The following CCDC171 variants were observed in gnomAD, a reference collection of about 807,000 sequenced individuals.
The protein encoded by CCDC171 is coiled-coil domain-containing protein 171.
CCDC171 carries 177 observed loss-of-function variants against 168.2 expected under a neutral mutation model. The ratio of observed to expected loss-of-function variants is 1.05; its 90% CI spans 0.93 to 1.19. CCDC171 has a LOEUF of 1.19. CCDC171 is among the 50% of genes most tolerant of loss of function. The pLI, the probability that CCDC171 is intolerant of heterozygous loss-of-function variation, is 0.00. For synonymous variants in CCDC171, 687 were observed against 540.8 expected, an observed-to-expected ratio of 1.27 and a Z score of -3.75; for missense variants, 1,991 against 1,539.0, an observed-to-expected ratio of 1.29 and a Z score of -4.91.
intron 3 of CCDC171, among the ~76,000 whole-genome samples, chr9:16,020,054 C>G (rs1288000826): frequency 6.6e-6 from 1 of 152,212 alleles, no homozygotes. Flanking sequence ...GTAGTACTGA[C>G]CTCTCTACTG....
chr9:15,874,819 T>C, intron 24 of CCDC171, 156 bp downstream of exon 24: 1 of 689,282 alleles, frequency 1.5e-6, no homozygotes, highest in East Asian at 3.4e-5. Context: ...CAGTATACTT[T>C]ACAAAATATT....
At chr9:15,731,498 C>T (rs1032608202) in intron 16 of CCDC171, among the ~76,000 whole-genome samples, 3 of 152,074 alleles carry the variant, frequency 2.0e-5, no homozygotes, top group East Asian at 1.9e-4. Context: ...ATTAATGTTC[C>T]GAGCATAATG....
chr9:15,851,664 C>A (rs947163518), intron 23 of CCDC171, among the ~76,000 whole-genome samples: 2 of 151,820 alleles, frequency 1.3e-5, no homozygotes, highest in Admixed American at 6.6e-5. Flanking sequence ...TATGTGCACC[C>A]ATCACAACTA....
intron 11 of CCDC171, among the ~76,000 whole-genome samples, chr9:15,707,089 G>A (rs2052304052): frequency 6.6e-6 from 1 of 152,166 alleles, no homozygotes; most frequent in African/African-American, 2.4e-5. Flanking sequence ...CTCATGGGTG[G>A]TTGAGGAGCT....
chr9:16,007,432 T>C (rs1832738986), intron 3 of CCDC171, among the ~76,000 whole-genome samples: 1 of 152,230 alleles, frequency 6.6e-6, no homozygotes, highest in Non-Finnish European at 1.5e-5. Flanking sequence ...AGCTCTTTAG[T>C]TTAATTAGAT....
chr9:15,715,039 T>C (rs889673454), intron 11 of CCDC171, among the ~76,000 whole-genome samples: 2 of 152,200 alleles, frequency 1.3e-5, no homozygotes, highest in Non-Finnish European at 2.9e-5. Context: ...TCCAATCACT[T>C]GCACTAAATT....
chr9:15,835,087 T>C (rs949438102), intron 21 of CCDC171, among the ~76,000 whole-genome samples: 3 of 152,148 alleles, frequency 2.0e-5, no homozygotes, highest in East Asian at 3.8e-4. Flanking sequence ...GCAACTTTAA[T>C]TGGGGAGAGG....
intron 25 of CCDC171, among the ~76,000 whole-genome samples, chr9:15,957,204 A>T (rs1829886563): frequency 6.6e-6 from 1 of 152,118 alleles, no homozygotes; most frequent in South Asian, 2.1e-4. Flanking sequence ...GGCAGACACC[A>T]TGCACCTTGA....
intron 24 of CCDC171, among the ~76,000 whole-genome samples, chr9:15,903,885 G>C (rs1490071285): frequency 1.3e-5 from 2 of 152,190 alleles, no homozygotes; most frequent in Non-Finnish European, 2.9e-5. Context: ...GAATGCATAA[G>C]CCTCAGTAGC....
At position 15,574,872 on chromosome 9, in the gene CCDC171, G is replaced by A. The variant is rs143891094; in HGVS notation, c.177+3113G>A. Among the ~76,000 whole-genome samples the A allele has an allele frequency of 7.6e-4, 116 of 152,298 alleles. 1 individual carries two copies. The highest frequency in any genetic ancestry group is 2.6e-3 in the African/African-American group (108 of 41,568). On this transcript the variant is annotated intron_variant, in intron 3 of 25. Coordinates refer to ENST00000380701, the MANE Select transcript of CCDC171 (RefSeq NM_173550.4). ...TTCTTTGATAGGTATTCAAATAATA[G>A]ATTACTGTTGAAAGGATTTATTAGT...
At chr9:15,587,730 A>G in intron 4 of CCDC171, 1 of 439,840 alleles carries the variant, frequency 2.3e-6, no homozygotes, top group South Asian at 1.6e-5. Context: ...TTACATTTAT[A>G]GTTTCTAACT....
chr9:15,635,557 G>T (rs1210910648), intron 7 of CCDC171, among the ~76,000 whole-genome samples: 3 of 152,114 alleles, frequency 2.0e-5, no homozygotes, highest in Non-Finnish European at 4.4e-5. Context: ...CAGCTGATTA[G>T]ATGGTGCCCA....
Position 15,874,438 on chromosome 9 carries a change from T to C in CCDC171, c.3469-94T>C, listed in dbSNP as rs915933147. 36 of 1,049,346 alleles carry C rather than the reference T, an allele frequency of 3.4e-5. 1 individual carries two copies. The Admixed American group carries it at 6.6e-4, about 19-fold the overall frequency. 65.0% of individuals were successfully genotyped at this position (1,049,346 alleles called of 1,614,324 possible). ...CATGGATTTCAGGTCCAGCGATCAA[T>C]GCAAGTCCACTCAGTGGGCTCAAGG... On this transcript the variant is annotated intron_variant, in intron 23 of 25. Coordinates refer to ENST00000380701, the MANE Select transcript of CCDC171 (RefSeq NM_173550.4).
intron 25 of CCDC171, among the ~76,000 whole-genome samples, chr9:15,926,550 C>G (rs1168207705): frequency 6.6e-6 from 1 of 151,612 alleles, no homozygotes; most frequent in Admixed American, 6.6e-5. Context: ...AAACTATTAA[C>G]CAGCTGCCAT....
chr9:15,612,451 T>C (rs1473237109), intron 6 of CCDC171, among the ~76,000 whole-genome samples: 1 of 152,224 alleles, frequency 6.6e-6, no homozygotes, highest in Non-Finnish European at 1.5e-5. Context: ...GAGAGATGAT[T>C]AGCTATGTTT....
At chr9:15,669,722 T>A (rs1335993780) in intron 9 of CCDC171, among the ~76,000 whole-genome samples, 1 of 152,148 alleles carries the variant, frequency 6.6e-6, no homozygotes, top group African/African-American at 2.4e-5. Flanking sequence ...AAATTTAATT[T>A]GAAACATCAT....
intron 18 of CCDC171, among the ~76,000 whole-genome samples, chr9:15,772,886 A>C (rs1199431709): frequency 3.3e-5 from 5 of 152,220 alleles, no homozygotes; most frequent in Non-Finnish European, 7.3e-5. Flanking sequence ...GGAATATGGC[A>C]AGGGAAATGG....
At chr9:16,084,203 G>A in the CCDC171 span, among the ~76,000 whole-genome samples, 3 of 152,150 alleles carry the variant, frequency 2.0e-5, no homozygotes, top group African/African-American at 7.2e-5. Flanking sequence ...TTGGTCTTGA[G>A]TGCCATTTTT....
At chr9:15,772,126 G>A (rs1005573839) in intron 18 of CCDC171, among the ~76,000 whole-genome samples, 1 of 152,118 alleles carries the variant, frequency 6.6e-6, no homozygotes, top group East Asian at 1.9e-4. Flanking sequence ...AATTCACCAC[G>A]CCTGGCCTGC....
Sources: gnomAD v4.1 joint callset for allele counts (sites outside exome capture counted in the v4.1 genomes callset) on GRCh38, gnomAD v4.1.1 for gene constraint, MANE v1.5 for transcripts, NCBI Gene and HGNC (gene_info 2026-07-23, HGNC 2026-07-21) for gene names.